Variants in TEK observed in about 807,000 individuals in gnomAD.
The protein encoded by TEK is angiopoietin-1 receptor.
Under a neutral mutation model 131.8 loss-of-function variants are expected in TEK, and 43 were observed. That is an observed-to-expected ratio of 0.33 (90% CI 0.26 to 0.42). The LOEUF (loss-of-function observed/expected upper bound fraction) is 0.42. Ranked by LOEUF, TEK falls within the 10% of genes least tolerant of loss-of-function variation. The probability of loss-of-function intolerance (pLI) is 1.00; values close to 1 mark genes in which losing one functional copy is unlikely to be tolerated. For synonymous variants in TEK, 580 were observed against 491.6 expected (o/e 1.18, Z -2.38); for missense variants, 1,162 against 1,384.4 (o/e 0.84, Z 2.55).
At chr9:27,190,982 A>C (rs940209413) in intron 10 of TEK, among the ~76,000 whole-genome samples, 38 of 152,256 alleles carry the variant, frequency 2.5e-4, no homozygotes, top group African/African-American at 8.7e-4. Flanking sequence ...TAGTTATTCT[A>C]TCTTGGCTGG....
chr9:27,169,331 A>C, intron 3 of TEK, 146 bp from the exon 4 acceptor site: 1 of 1,062,186 alleles, frequency 9.4e-7, no homozygotes, highest in African/African-American at 1.6e-5. Flanking sequence ...TGAATAGTTC[A>C]GCATTTTCAT....
At chr9:27,183,679 A>G (rs2131170513) in intron 8 of TEK, 69 bp downstream of exon 8, 1 of 1,573,520 alleles carries the variant, frequency 6.4e-7, no homozygotes, top group Non-Finnish European at 8.7e-7. Context: ...ACCCCACTAA[A>G]TGATAGATAC....
At chr9:27,137,879 C>G (rs535831861) in intron 1 of TEK, among the ~76,000 whole-genome samples, 37 of 152,270 alleles carry the variant, frequency 2.4e-4, no homozygotes, top group African/African-American at 8.9e-4. Context: ...GGTTCTTGGT[C>G]TCACTGTGGA....
chr9:27,150,142 A>C (rs1359864665), intron 1 of TEK, among the ~76,000 whole-genome samples: 1 of 152,112 alleles, frequency 6.6e-6, no homozygotes, highest in East Asian at 1.9e-4. Context: ...TGCCAGATGT[A>C]TATACATTCC....
chr9:27,218,901 C>T (rs1156236650), intron 20 of TEK, 84 bp downstream of exon 20: 1 of 1,310,798 alleles, frequency 7.6e-7, no homozygotes, highest in East Asian at 2.3e-5. Flanking sequence ...CATAATTCCA[C>T]AGGATGCCGT....
chr9:27,193,213 A>G (rs995339291), intron 11 of TEK, among the ~76,000 whole-genome samples: 2 of 152,022 alleles, frequency 1.3e-5, no homozygotes, highest in African/African-American at 2.4e-5. Context: ...TCCTTAAGCT[A>G]TTTCTTATAT....
At chr9:27,172,544 A>C in intron 4 of TEK, 72 bp from the exon 5 acceptor site, 1 of 1,595,742 alleles carries the variant, frequency 6.3e-7, no homozygotes, top group South Asian at 1.1e-5. Context: ...ACTGACACAC[A>C]GTAGGTGCTC....
chr9:27,121,147 C>G (rs905389661), intron 1 of TEK, among the ~76,000 whole-genome samples: 1 of 151,972 alleles, frequency 6.6e-6, no homozygotes, highest in Non-Finnish European at 1.5e-5. Context: ...CATGGCGAAA[C>G]CCCGCCTCTA....
At chr9:27,224,574 G>A (rs1219371519) in intron 21 of TEK, among the ~76,000 whole-genome samples, 3 of 151,990 alleles carry the variant, frequency 2.0e-5, no homozygotes, top group South Asian at 2.1e-4. Flanking sequence ...GGCTAAACAC[G>A]CTCAGTAAAC....
intron 2 of TEK, 101 bp from the exon 3 acceptor site, chr9:27,168,394 C>A: frequency 1.2e-6 from 1 of 867,806 alleles, no homozygotes; most frequent in Non-Finnish European, 1.9e-6. Flanking sequence ...CATCTGACAC[C>A]TAGCAAGTGC....
intron 2 of TEK, among the ~76,000 whole-genome samples, chr9:27,167,969 T>G (rs1203366284): frequency 3.9e-5 from 6 of 152,094 alleles, no homozygotes; most frequent in African/African-American, 1.4e-4. Context: ...ATAGGTACAG[T>G]TTGAGTGTTC....
chr9:27,214,027 G>T (rs1237585029), intron 18 of TEK, among the ~76,000 whole-genome samples: 1 of 152,178 alleles, frequency 6.6e-6, no homozygotes, highest in Middle Eastern at 3.2e-3. Flanking sequence ...GCTCTACAGA[G>T]AAATTCATAA....
At chr9:27,113,439 T>A (rs768264663) in intron 1 of TEK, among the ~76,000 whole-genome samples, 1 of 151,892 alleles carries the variant, frequency 6.6e-6, no homozygotes, top group Admixed American at 6.6e-5. Flanking sequence ...AATACAAAAA[T>A]TAGCAAGGTG....
intron 1 of TEK, among the ~76,000 whole-genome samples, chr9:27,115,519 A>AACG (rs1821517747): frequency 1.3e-5 from 2 of 151,836 alleles, no homozygotes; most frequent in Non-Finnish European, 2.9e-5. Context: ...ACAAACAAAC[A>AACG]AACGAAACTA....
At position 27,160,036 on chromosome 9, in the gene TEK, TTTTTA is replaced by T. The variant is rs1314673563; in HGVS notation, c.364+1895_364+1899del. ...TTTTTTTTTTTTTTTTTTTTTTTTT[TTTTTA>T]AAGACAAGGGTCTTGCTGTTGCCCA... On this transcript the variant is annotated intron_variant, in intron 2 of 22. Coordinates refer to ENST00000380036, the MANE Select transcript of TEK (RefSeq NM_000459.5). Among the ~76,000 whole-genome samples, 11 of 123,322 alleles carry T rather than the reference TTTTTA, an allele frequency of 8.9e-5. No homozygotes were observed. The East Asian group carries it at 1.1e-3, about 12-fold the overall frequency. The allele number at this position is 123,322 out of a possible 152,430, so 80.9% of individuals were successfully genotyped here.
chr9:27,201,634 T>G (rs1374636963), intron 12 of TEK, among the ~76,000 whole-genome samples: 2 of 152,176 alleles, frequency 1.3e-5, no homozygotes, highest in East Asian at 1.9e-4. Flanking sequence ...CAATACCTAA[T>G]TCTCATAAAT....
At chr9:27,135,770 AGCAGAC>A in intron 1 of TEK, among the ~76,000 whole-genome samples, 1 of 37,056 alleles carries the variant, frequency 2.7e-5, no homozygotes, top group South Asian at 4.4e-4. Context: ...TCTATCTCAG[AGCAGAC>A]CTTAATCTGA....
At chr9:27,151,501 T>G (rs995555536) in intron 1 of TEK, among the ~76,000 whole-genome samples, 1 of 152,284 alleles carries the variant, frequency 6.6e-6, no homozygotes, top group Admixed American at 6.5e-5. Flanking sequence ...CTGATTATCT[T>G]CTCATCTCTC....
At chr9:27,198,247 C>T (rs755455087) in intron 12 of TEK, 25 of 160,682 alleles carry the variant, frequency 1.6e-4, no homozygotes, top group Non-Finnish European at 3.0e-4. Context: ...TAAACTATTT[C>T]TTGGCCACAC....
Sources: allele counts gnomAD v4.1 joint callset (sites outside exome capture counted in the v4.1 genomes callset), GRCh38; gene constraint gnomAD v4.1.1; transcripts MANE v1.5; gene names NCBI Gene and HGNC (gene_info 2026-07-23, HGNC 2026-07-21).